Variants in CSMD3 observed in about 807,000 individuals in gnomAD.
The protein encoded by CSMD3 is CUB and sushi domain-containing protein 3.
In CSMD3, 177 loss-of-function variants were observed where a neutral mutation model predicts 435.2. The observed-to-expected ratio is 0.41, with a 90% CI of 0.36 to 0.46. The LOEUF (loss-of-function observed/expected upper bound fraction) is 0.46. CSMD3 is among the 20% of genes least tolerant of loss of function. The probability of loss-of-function intolerance (pLI) is 0.34; values close to 1 mark genes in which losing one functional copy is unlikely to be tolerated. For synonymous variants in CSMD3, 1,656 were observed against 1,520.5 expected, an observed-to-expected ratio of 1.09 and a Z score of -2.07; for missense variants, 4,265 against 4,504.6, an observed-to-expected ratio of 0.95 and a Z score of 1.52.
chr8:112,847,723 A>G (rs764833260), intron 11 of CSMD3, among the ~76,000 whole-genome samples: 5 of 152,114 alleles, frequency 3.3e-5, no homozygotes, highest in Non-Finnish European at 5.9e-5. Flanking sequence ...GGCGCAAAGA[A>G]CTAGTACCTA....
At chr8:113,315,773 C>T (rs2093905211) in intron 1 of CSMD3, among the ~76,000 whole-genome samples, 1 of 150,878 alleles carries the variant, frequency 6.6e-6, no homozygotes. Context: ...GGCTGTAGTG[C>T]AGTGGCGAGA....
chr8:112,929,401 A>G (rs1241029067), intron 9 of CSMD3, among the ~76,000 whole-genome samples: 1 of 151,482 alleles, frequency 6.6e-6, no homozygotes, highest in Non-Finnish European at 1.5e-5. Context: ...AAAAAAAAAG[A>G]TTTCAAGATT....
intron 1 of CSMD3, among the ~76,000 whole-genome samples, chr8:113,394,373 T>C (rs2133170644): frequency 1.3e-5 from 2 of 152,240 alleles, no homozygotes; most frequent in East Asian, 1.9e-4. Context: ...TTTTACTGAA[T>C]ACATATTAAC....
chr8:112,929,378 A>T lies in CSMD3; in HGVS notation c.1509-7627T>A, dbSNP rs78489580. ...TGTACCCTAAAACTTAAAGCATAAT[A>T]AAAAAAAAATTAAAAAAAAAAGATT... On this transcript the variant is annotated intron_variant, in intron 9 of 70. Transcript: ENST00000297405. 1.7e-4 allele frequency among the ~76,000 whole-genome samples: 7 copies of T among 40,016 alleles called. No homozygotes were observed. The Admixed American group carries it at 2.7e-3, about 15-fold the overall frequency. 26.3% of individuals were successfully genotyped at this position (40,016 alleles called of 152,430 possible).
At chr8:113,069,110 C>CA (rs1488500140) in intron 5 of CSMD3, among the ~76,000 whole-genome samples, 18 of 151,544 alleles carry the variant, frequency 1.2e-4, no homozygotes, top group African/African-American at 2.9e-4. Flanking sequence ...ACCTCCCTGC[C>CA]AAAAAAAACC....
rs146647000 is a variant in CSMD3 at position 113,103,476 on chromosome 8, C to G, written c.710-4513G>C. On this transcript the variant is annotated intron_variant, in intron 4 of 70. Coordinates refer to ENST00000297405, the MANE Select transcript of CSMD3 (RefSeq NM_198123.2). ...TAAAACATGAAGAAAACCACAAATT[C>G]AGCTAATGGGATCAATAAAGACAAT... Among the ~76,000 whole-genome samples, 710 of 152,148 alleles carry G rather than the reference C, an allele frequency of 4.7e-3. 5 individuals carry two copies. The highest frequency in any genetic ancestry group is 0.015 in the African/African-American group (620 of 41,536).
chr8:112,770,538 A>T (rs1471077479), intron 13 of CSMD3, among the ~76,000 whole-genome samples: 1 of 152,026 alleles, frequency 6.6e-6, no homozygotes, highest in Non-Finnish European at 1.5e-5. Flanking sequence ...AACAGTACAG[A>T]ACGGACTAAG....
intron 11 of CSMD3, among the ~76,000 whole-genome samples, chr8:112,848,971 G>A (rs907014116): frequency 1.3e-5 from 2 of 151,996 alleles, no homozygotes; most frequent in African/African-American, 2.4e-5. Context: ...GTGATGTGAC[G>A]CAAATTTAAA....
chr8:113,054,163 C>T (rs1048133646), intron 5 of CSMD3, among the ~76,000 whole-genome samples: 1 of 152,150 alleles, frequency 6.6e-6, no homozygotes, highest in African/African-American at 2.4e-5. Flanking sequence ...GGCCCAATTA[C>T]ATAATTACTT....
chr8:112,867,624 A>T (rs530542522), intron 10 of CSMD3, among the ~76,000 whole-genome samples: 1 of 152,272 alleles, frequency 6.6e-6, no homozygotes, highest in African/African-American at 2.4e-5. Context: ...GATACACTGT[A>T]TACAATAAAA....
rs746877573 is a variant in CSMD3, at chr8:112,995,348, AGG to A, written c.1031-19202_1031-19201del. Reference sequence around the variant, plus strand: ...CATTTAGTTTTGGTATAATAATGTGAGGGGAATTAGTAAAGGAGAATATATGG... The same window carrying A: ...CATTTAGTTTTGGTATAATAATGTGAGGAATTAGTAAAGGAGAATATATGG... On this transcript the variant is annotated intron_variant, in intron 6 of 70. Transcript: ENST00000297405. 2.6e-5 allele frequency among the ~76,000 whole-genome samples: 4 copies of A among 151,506 alleles called. No individual in the cohort carries two copies. In the Admixed American group the frequency reaches 2.6e-4, roughly 10 times the overall value.
chr8:113,067,496 T>C (rs2088911417), intron 5 of CSMD3, among the ~76,000 whole-genome samples: 1 of 152,126 alleles, frequency 6.6e-6, no homozygotes, highest in Non-Finnish European at 1.5e-5. Context: ...AGTGTAAAGC[T>C]TGAAATATTA....
At chr8:113,338,633 T>C (rs945311932) in intron 1 of CSMD3, among the ~76,000 whole-genome samples, 10 of 152,000 alleles carry the variant, frequency 6.6e-5, no homozygotes, top group African/African-American at 1.9e-4. Context: ...AAATAAGATA[T>C]ATAGTGAATG....
At chr8:112,957,757 G>GT (rs1334413928) in intron 7 of CSMD3, among the ~76,000 whole-genome samples, 1 of 133,932 alleles carries the variant, frequency 7.5e-6, no homozygotes, top group East Asian at 2.3e-4. Context: ...GTGTTTGTGT[G>GT]TTTTTTGAGA....
At position 113,162,997 on chromosome 8, in the gene CSMD3, A is replaced by T. The variant is rs190527777; in HGVS notation, c.709+10725T>A. On this transcript the variant is annotated intron_variant, in intron 4 of 70. Coordinates refer to ENST00000297405, the MANE Select transcript of CSMD3 (RefSeq NM_198123.2). ...ACTCCTTACTAGTATGTAATTATTT[A>T]TGTATGCTTCCCATAAGCTATAAAA... 5.2e-4 allele frequency among the ~76,000 whole-genome samples: 79 copies of T among 152,244 alleles called. No homozygotes were observed. In the East Asian group the frequency reaches 0.013, roughly 24 times the overall value.
chr8:113,263,654 C>A (rs1453700078), intron 3 of CSMD3, among the ~76,000 whole-genome samples: 1 of 151,786 alleles, frequency 6.6e-6, no homozygotes, highest in African/African-American at 2.4e-5. Context: ...ATTTTGATAG[C>A]AATTTCTCAC....
intron 4 of CSMD3, among the ~76,000 whole-genome samples, chr8:113,129,875 T>C (rs1468692654): frequency 1.3e-5 from 2 of 152,118 alleles, no homozygotes; most frequent in African/African-American, 2.4e-5. Context: ...TTTACAAAGA[T>C]AGGAAGAAGG....
At chr8:112,637,348 T>C (rs530949625) in intron 21 of CSMD3, among the ~76,000 whole-genome samples, 1 of 152,262 alleles carries the variant, frequency 6.6e-6, no homozygotes, top group East Asian at 1.9e-4. Context: ...AAGAACTGCA[T>C]ATTTTCAAAC....
At chr8:112,897,983 T>A (rs2082000171) in intron 10 of CSMD3, among the ~76,000 whole-genome samples, 2 of 151,140 alleles carry the variant, frequency 1.3e-5, no homozygotes, top group African/African-American at 4.8e-5. Flanking sequence ...AGGTTTCAAG[T>A]TAAAAGAAAA....
Sources: allele counts gnomAD v4.1 joint callset (sites outside exome capture counted in the v4.1 genomes callset), GRCh38; gene constraint gnomAD v4.1.1; transcripts MANE v1.5; gene names NCBI Gene and HGNC (gene_info 2026-07-23, HGNC 2026-07-21).